Variants in KSR2 observed in about 807,000 individuals in gnomAD.
KSR2 encodes the protein kinase suppressor of ras 2.
Under a neutral mutation model 107.8 loss-of-function variants are expected in KSR2, and 25 were observed. The ratio of observed to expected loss-of-function variants is 0.23; its 90% confidence interval spans 0.17 to 0.32. KSR2 has a LOEUF of 0.32. KSR2 is among the 10% of genes least tolerant of loss of function. The pLI is 1.00. For missense variants in KSR2, 887 were observed against 1,268.9 expected, an observed-to-expected ratio of 0.70 and a Z score of 4.57; for synonymous variants, 480 against 507.0, an observed-to-expected ratio of 0.95 and a Z score of 0.71.
At chr12:117,596,658 A>C (rs1262296442) in intron 5 of KSR2, among the ~76,000 whole-genome samples, 1 of 152,190 alleles carries the variant, frequency 6.6e-6, no homozygotes, top group Non-Finnish European at 1.5e-5. Context: ...GCGCAACAGA[A>C]CCCAAAACAT....
intron 9 of KSR2, among the ~76,000 whole-genome samples, chr12:117,540,662 A>G (rs897202124): frequency 2.6e-5 from 4 of 152,212 alleles, no homozygotes; most frequent in African/African-American, 7.2e-5. Context: ...ATCCAATGAC[A>G]GACATATGGA....
intron 1 of KSR2, among the ~76,000 whole-genome samples, chr12:117,917,669 T>C (rs889596544): frequency 5.9e-5 from 9 of 152,118 alleles, no homozygotes; most frequent in African/African-American, 2.2e-4. Context: ...GGTCTTAAAG[T>C]CCTGGCCTCA....
rs367799116 is a variant in KSR2, at chr12:117,485,590, A to G, written c.2316+5T>C. 6.2e-7 allele frequency: 1 copy of G among 1,612,014 alleles called. No individual in the cohort carries two copies. ...TTAGATAGGAGGCCCAAGAGCCGAC[A>G]GTACCTTCACAATTTCTTGAGCAAT... On this transcript the variant is annotated splice_donor_5th_base_variant and intron_variant, in intron 15 of 19. Coordinates refer to ENST00000339824, the MANE Select transcript of KSR2 (RefSeq NM_173598.6).
chr12:117,759,805 A>G (rs1444448738), intron 4 of KSR2, among the ~76,000 whole-genome samples: 1 of 152,202 alleles, frequency 6.6e-6, no homozygotes, highest in Non-Finnish European at 1.5e-5. Flanking sequence ...ATGTTGTAGC[A>G]TATATCAGAA....
At chr12:117,772,787 A>C (rs1299405785) in intron 3 of KSR2, among the ~76,000 whole-genome samples, 1 of 152,156 alleles carries the variant, frequency 6.6e-6, no homozygotes, top group Non-Finnish European at 1.5e-5. Flanking sequence ...AAGACGCACA[A>C]GCACACACTG....
intron 9 of KSR2, among the ~76,000 whole-genome samples, chr12:117,554,233 A>G (rs1295970723): frequency 6.6e-6 from 1 of 152,190 alleles, no homozygotes; most frequent in East Asian, 1.9e-4. Flanking sequence ...TATGGAAATC[A>G]GGCCAGAAAT....
intron 1 of KSR2, among the ~76,000 whole-genome samples, chr12:117,862,276 TAAAAC>T (rs1893325430): frequency 6.6e-6 from 1 of 152,112 alleles, no homozygotes; most frequent in African/African-American, 2.4e-5. Context: ...GATAATTAAA[TAAAAC>T]AAAATTAGAA....
At chr12:117,529,414 C>G (rs907410025) in intron 12 of KSR2, among the ~76,000 whole-genome samples, 5 of 152,072 alleles carry the variant, frequency 3.3e-5, no homozygotes, top group Non-Finnish European at 5.9e-5. Context: ...CGGGGTTTCA[C>G]CAGGTTGGCT....
rs1399971364 is a variant in KSR2, at chr12:117,455,101, C to G, written c.*12098G>C. ...TGTAGAGCCAGAGAGGGATGCAGAGCAGGCCTGAGGTGGCCTGAGTACTGG... is the reference window on the plus strand; with the variant it reads ...TGTAGAGCCAGAGAGGGATGCAGAGGAGGCCTGAGGTGGCCTGAGTACTGG... On this transcript the variant is annotated 3_prime_UTR_variant, in exon 20 of 20. Coordinates refer to ENST00000339824, the MANE Select transcript of KSR2 (RefSeq NM_173598.6). The G allele has an allele frequency of 7.0e-6, 1 of 142,076 alleles. No homozygotes were observed. The highest frequency in any genetic ancestry group is 1.5e-5 in the Non-Finnish European group (1 of 67,086). 8.8% of individuals were successfully genotyped at this position (142,076 alleles called of 1,614,324 possible). A position where few individuals can be genotyped will look rare whatever the true frequency, so the allele number is the denominator to read the frequency against.
chr12:117,577,644 T>C (rs1413501739), intron 7 of KSR2, among the ~76,000 whole-genome samples: 1 of 152,132 alleles, frequency 6.6e-6, no homozygotes, highest in Non-Finnish European at 1.5e-5. Flanking sequence ...AGGCACTTCT[T>C]ACATGGCAGT....
intron 1 of KSR2, among the ~76,000 whole-genome samples, chr12:117,921,662 C>T (rs1895350905): frequency 6.6e-6 from 1 of 152,172 alleles, no homozygotes; most frequent in African/African-American, 2.4e-5. Context: ...GATGTTGATA[C>T]TACCCCCTCA....
Position 117,460,994 on chromosome 12 carries a change from G to A in KSR2, c.*6205C>T, listed in dbSNP as rs915189404. ...TCACAGATATTAAACCTGGCAAACT[G>A]GCTCAGCACAATGGCTTAGCCCTGT... On this transcript the variant is annotated 3_prime_UTR_variant, in exon 20 of 20. Coordinates refer to ENST00000339824, the MANE Select transcript of KSR2 (RefSeq NM_173598.6). 6.6e-6 allele frequency: 1 copy of A among 152,254 alleles called. No homozygotes were observed. The highest frequency in any genetic ancestry group is 1.5e-5 in the Non-Finnish European group (1 of 68,086). The allele number at this position is 152,254 out of a possible 1,614,324, so 9.4% of individuals were successfully genotyped here.
chr12:117,555,413 C>T lies in KSR2; in HGVS notation c.1394-120G>A, dbSNP rs1398634645. ...ACCCTCCAGACTGGAGGACAATTCA[C>T]TAAAAGTGATAATGATTCTGTGGTG... On this transcript the variant is annotated intron_variant, in intron 8 of 19. Coordinates refer to ENST00000339824, the MANE Select transcript of KSR2 (RefSeq NM_173598.6). 6 of 938,918 alleles carry T rather than the reference C, an allele frequency of 6.4e-6. No homozygotes were observed. In the East Asian group the frequency reaches 1.3e-4, roughly 20 times the overall value. 58.2% of individuals were successfully genotyped at this position (938,918 alleles called of 1,614,324 possible).
intron 3 of KSR2, among the ~76,000 whole-genome samples, chr12:117,840,888 G>A (rs1161810156): frequency 2.6e-5 from 4 of 152,022 alleles, no homozygotes; most frequent in Admixed American, 6.5e-5. Context: ...TGTAATCCCA[G>A]CTACTTGGGA....
chr12:117,568,265 C>G (rs1322429638), intron 7 of KSR2, among the ~76,000 whole-genome samples: 1 of 152,176 alleles, frequency 6.6e-6, no homozygotes, highest in Admixed American at 6.5e-5. Flanking sequence ...AGGTGTTCAT[C>G]AGAACACAAA....
intron 3 of KSR2, among the ~76,000 whole-genome samples, chr12:117,799,499 C>T (rs1262636947): frequency 1.6e-5 from 2 of 124,750 alleles, no homozygotes; most frequent in Non-Finnish European, 3.5e-5. Context: ...AAGACTCCAC[C>T]AAAAAAAAAA....
rs138864675 is a variant in KSR2 at position 117,722,549 on chromosome 12, C to T, written c.986+38462G>A. On this transcript the variant is annotated intron_variant, in intron 4 of 19. Coordinates refer to ENST00000339824, the MANE Select transcript of KSR2 (RefSeq NM_173598.6). ...TCTAGTCGTCCTCACTGCTACACTCCCACCAGCATCGTGACAGTTTACAAA... is the reference window on the plus strand; with the variant it reads ...TCTAGTCGTCCTCACTGCTACACTCTCACCAGCATCGTGACAGTTTACAAA... 4.1e-4 allele frequency among the ~76,000 whole-genome samples: 63 copies of T among 152,284 alleles called. No individual in the cohort carries two copies. In the Middle Eastern group the frequency reaches 0.01, roughly 25 times the overall value.
chr12:117,509,702 C>T (rs1190523227), intron 14 of KSR2, among the ~76,000 whole-genome samples: 1 of 152,198 alleles, frequency 6.6e-6, no homozygotes, highest in Non-Finnish European at 1.5e-5. Flanking sequence ...TCCCGAAGGG[C>T]TGTGCTAATA....
intron 3 of KSR2, among the ~76,000 whole-genome samples, chr12:117,777,485 A>G (rs1889737042): frequency 1.3e-5 from 2 of 152,182 alleles, no homozygotes; most frequent in Non-Finnish European, 2.9e-5. Context: ...GCCCTGTTCA[A>G]CCTCAGGGGT....
Sources: gnomAD v4.1 joint callset for allele counts (sites outside exome capture counted in the v4.1 genomes callset) on GRCh38, gnomAD v4.1.1 for gene constraint, MANE v1.5 for transcripts, NCBI Gene and HGNC (gene_info 2026-07-23, HGNC 2026-07-21) for gene names.